The following PGAP4 variants were observed in gnomAD, a reference collection of about 807,000 sequenced individuals.
PGAP4 encodes GPI-N-acetylgalactosamine transferase PGAP4.
Under a neutral mutation model 28.2 loss-of-function variants are expected in PGAP4, and 12 were observed. The observed-to-expected ratio is 0.42, with a 90% CI of 0.27 to 0.69. The LOEUF is 0.69. Ranked by LOEUF, PGAP4 falls within the 30% of genes least tolerant of loss-of-function variation. PGAP4 has a pLI of 0.22. For synonymous variants in PGAP4, 205 were observed against 211.8 expected, an observed-to-expected ratio of 0.97 and a Z score of 0.28; for missense variants, 425 against 513.5, an observed-to-expected ratio of 0.83 and a Z score of 1.67.
At chr9:101,516,927 A>G (rs1437225591) in intron 2 of PGAP4, among the ~76,000 whole-genome samples, 5 of 152,208 alleles carry the variant, frequency 3.3e-5, no homozygotes, top group Admixed American at 6.5e-5. Flanking sequence ...CTGATCGCCA[A>G]CAGACTTTGA....
intron 2 of PGAP4, among the ~76,000 whole-genome samples, chr9:101,513,187 C>T (rs987550187): frequency 2.0e-5 from 3 of 152,092 alleles, no homozygotes; most frequent in Non-Finnish European, 4.4e-5. Flanking sequence ...TAATATCTTG[C>T]CTGACCACCT....
chr9:101,480,940 G>A (rs1235392469), intron 1 of PGAP4, among the ~76,000 whole-genome samples: 1 of 152,208 alleles, frequency 6.6e-6, no homozygotes, highest in African/African-American at 2.4e-5. Context: ...ACTTTAGGAG[G>A]CTGAGGCAGG....
chr9:101,475,901 AG>A lies in PGAP4; in HGVS notation c.1191del (p.His399IlefsTer19). Reference sequence around the variant, plus strand: ...GCACCCTAGAGGAGACTGGGATGAAAGTTGTACCGGAGACTGGAGAAGAGCC... The same window carrying A: ...GCACCCTAGAGGAGACTGGGATGAAATTGTACCGGAGACTGGAGAAGAGCC... ...HIGLFSSLRY[N>X]FHPSLL On this transcript the variant is annotated frameshift_variant, in exon 2 of 2. Transcript: ENST00000374848. LOFTEE classifies it high-confidence loss of function. 1 of 1,614,100 alleles carries A rather than the reference AG, an allele frequency of 6.2e-7. No individual in the cohort carries two copies. Among genetic ancestry groups the A allele is most frequent in the Non-Finnish European group, 8.5e-7 (1 of 1,179,990 alleles).
chr9:101,494,215 CTTG>C (rs1184256218), intron 2 of PGAP4, among the ~76,000 whole-genome samples: 2 of 151,470 alleles, frequency 1.3e-5, no homozygotes, highest in African/African-American at 4.8e-5. Context: ...TAGTTAAAGC[CTTG>C]TTAATATAAC....
chr9:101,474,986 G>GCTTTTTTTTTTTT lies in PGAP4; in HGVS notation c.*894_*895insAAAAAAAAAAAAG, dbSNP rs148013361. 1 of 141,536 alleles carries GCTTTTTTTTTTTT rather than the reference G, an allele frequency of 7.1e-6. No homozygotes were observed. The allele number at this position is 141,536 out of a possible 1,614,324, so 8.8% of individuals were successfully genotyped here. ...GTCAGGTCTTCTGACTTCAGTCCAT[G>GCTTTTTTTTTTTT]ATTTTTTTTTTTTTTTTTCTATAAC... On this transcript the variant is annotated 3_prime_UTR_variant, in exon 2 of 2. Transcript: ENST00000374848.
chr9:101,502,664 T>C (rs1299099741), intron 2 of PGAP4, among the ~76,000 whole-genome samples: 1 of 152,078 alleles, frequency 6.6e-6, no homozygotes, highest in East Asian at 1.9e-4. Context: ...TAGGGCATCC[T>C]TCCATCCCCA....
intron 2 of PGAP4, among the ~76,000 whole-genome samples, chr9:101,515,998 G>A (rs1826940663): frequency 6.6e-6 from 1 of 151,864 alleles, no homozygotes; most frequent in Non-Finnish European, 1.5e-5. Flanking sequence ...TTGATTTAGT[G>A]GTTCTACATG....
At chr9:101,503,902 AT>A (rs1236212059) in intron 2 of PGAP4, among the ~76,000 whole-genome samples, 1 of 152,052 alleles carries the variant, frequency 6.6e-6, no homozygotes, top group African/African-American at 2.4e-5. Context: ...GTTAAATAAA[AT>A]TTATAGGAGG....
At chr9:101,499,432 A>G (rs1398518319) in intron 2 of PGAP4, among the ~76,000 whole-genome samples, 3 of 152,062 alleles carry the variant, frequency 2.0e-5, no homozygotes, top group Non-Finnish European at 2.9e-5. Flanking sequence ...GTATTTGGGA[A>G]TAGAACATTG....
intron 2 of PGAP4, among the ~76,000 whole-genome samples, chr9:101,494,540 T>A (rs1160475488): frequency 6.6e-6 from 1 of 151,860 alleles, no homozygotes; most frequent in Non-Finnish European, 1.5e-5. Flanking sequence ...AATTAAATTT[T>A]TGTTTTGTTT....
chr9:101,498,503 T>TC (rs1276481732), intron 2 of PGAP4, among the ~76,000 whole-genome samples: 1 of 151,902 alleles, frequency 6.6e-6, no homozygotes, highest in Non-Finnish European at 1.5e-5. Context: ...AAGAATTTTT[T>TC]TTTTTTTTTT....
intron 1 of PGAP4, among the ~76,000 whole-genome samples, chr9:101,482,996 A>G (rs898762617): frequency 6.6e-6 from 1 of 152,250 alleles, no homozygotes; most frequent in African/African-American, 2.4e-5. Context: ...GATGCTACCA[A>G]GTTGCAAGAG....
intron 2 of PGAP4, among the ~76,000 whole-genome samples, chr9:101,527,199 G>A (rs1408605957): frequency 6.6e-6 from 1 of 152,164 alleles, no homozygotes; most frequent in Non-Finnish European, 1.5e-5. Flanking sequence ...AGATTCTGGA[G>A]GCAGTCTCTT....
In PGAP4 at chr9:101,473,815, T is replaced by C. The variant is rs1760599867; in HGVS notation, c.*2066A>G. On this transcript the variant is annotated 3_prime_UTR_variant, in exon 2 of 2. Coordinates refer to ENST00000374848, the MANE Select transcript of PGAP4 (RefSeq NM_032342.3). ...GCAACAAACTCTAATGAGTTCTAAG[T>C]TGGAGAGAGCTCAGTTCTAAAGCTT... 6.6e-6 allele frequency: 1 copy of C among 152,096 alleles called. No homozygotes were observed. The highest frequency in any genetic ancestry group is 2.4e-5 in the African/African-American group (1 of 41,412). 9.4% of individuals were successfully genotyped at this position (152,096 alleles called of 1,614,324 possible). A position where few individuals can be genotyped will look rare whatever the true frequency, so the allele number is the denominator to read the frequency against.
rs1008548770 is a variant in PGAP4, at chr9:101,473,397, A to G, written c.*2484T>C. Reference sequence around the variant, plus strand: ...AAGTGAGAGACTTCAGCTTTGGTGTAAAGCTGTCAGCTGCCCTAATCAAGG... The same window carrying G: ...AAGTGAGAGACTTCAGCTTTGGTGTGAAGCTGTCAGCTGCCCTAATCAAGG... On this transcript the variant is annotated 3_prime_UTR_variant, in exon 2 of 2. Transcript: ENST00000374848. 1 of 152,232 alleles carries G rather than the reference A, an allele frequency of 6.6e-6. No homozygotes were observed. The highest frequency in any genetic ancestry group is 1.5e-5 in the Non-Finnish European group (1 of 68,044). The allele number at this position is 152,232 out of a possible 1,614,324, so 9.4% of individuals were successfully genotyped here.
chr9:101,504,954 T>C (rs1826837441), intron 2 of PGAP4, among the ~76,000 whole-genome samples: 1 of 152,048 alleles, frequency 6.6e-6, no homozygotes, highest in South Asian at 2.1e-4. Flanking sequence ...AAGTTGGTCA[T>C]AGATGGGTTA....
intron 2 of PGAP4, among the ~76,000 whole-genome samples, chr9:101,495,008 A>G (rs1588204466): frequency 6.7e-6 from 1 of 148,260 alleles, no homozygotes; most frequent in African/African-American, 2.5e-5. Context: ...TTATGAATTT[A>G]TATAATTTTT....
chr9:101,476,168 CCA>C lies in PGAP4; in HGVS notation c.923_924del (p.Val308GlyfsTer104). On this transcript the variant is annotated frameshift_variant, in exon 2 of 2. Transcript: ENST00000374848. LOFTEE classifies it high-confidence loss of function. The surrounding 1 kb of genome is among the most constrained non-coding windows in gnomAD (Gnocchi z 7.0). ...CGCAGTTCCAGGAAATAGTGCCGAC[CCA>C]CCAGCTCCACCAGACCCATGCTATA... ...SLYSMGLVEL[V>X]GRHYFLELRR... The C allele has an allele frequency of 6.2e-7, 1 of 1,614,076 alleles. No homozygotes were observed. The highest frequency in any genetic ancestry group is 8.5e-7 in the Non-Finnish European group (1 of 1,180,018).
At chr9:101,490,978 C>T (rs1483756430), upstream of PGAP4, among the ~76,000 whole-genome samples, 1 of 152,190 alleles carries the variant, frequency 6.6e-6, no homozygotes, top group Non-Finnish European at 1.5e-5. Context: ...ACCTCAACTT[C>T]TCATGGTGCT....
Sources: allele counts gnomAD v4.1 joint callset (sites outside exome capture counted in the v4.1 genomes callset), GRCh38; gene constraint gnomAD v4.1.1; non-coding constraint Gnocchi (gnomAD v3.1); transcripts MANE v1.5; gene names NCBI Gene and HGNC (gene_info 2026-07-23, HGNC 2026-07-21).